CNTNAP2: variants seen among roughly 807,000 people sequenced by gnomAD.
CNTNAP2 encodes the protein contactin associated protein 2, also known as contactin-associated protein-like 2.
CNTNAP2 carries 98 observed loss-of-function variants against 155.2 expected under a neutral mutation model. That is an observed-to-expected ratio of 0.63 (90% confidence interval 0.54 to 0.75). The LOEUF (loss-of-function observed/expected upper bound fraction) is 0.75. Among genes scored for constraint, CNTNAP2 ranks in the 30% least tolerant of loss-of-function variants. The pLI, the probability that CNTNAP2 is intolerant of heterozygous loss-of-function variation, is 0.00. For missense variants in CNTNAP2, 1,727 were observed against 1,688.1 expected, an observed-to-expected ratio of 1.02 and a Z score of -0.40; for synonymous variants, 651 against 631.2, an observed-to-expected ratio of 1.03 and a Z score of -0.47.
At chr7:147,558,906 C>A (rs1800004983) in intron 11 of CNTNAP2, among the ~76,000 whole-genome samples, 1 of 152,140 alleles carries the variant, frequency 6.6e-6, no homozygotes, top group Admixed American at 6.5e-5. Context: ...CCATGCCCAG[C>A]TAATTTTTGT....
intron 13 of CNTNAP2, among the ~76,000 whole-genome samples, chr7:147,902,901 A>G (rs1799896640): frequency 6.6e-6 from 1 of 150,548 alleles, no homozygotes; most frequent in Admixed American, 6.7e-5. Flanking sequence ...TTGCTTCCAC[A>G]TTTTTGCAAT....
At chr7:146,383,668 G>A (rs1795421671) in intron 1 of CNTNAP2, among the ~76,000 whole-genome samples, 1 of 152,010 alleles carries the variant, frequency 6.6e-6, no homozygotes, top group Non-Finnish European at 1.5e-5. Flanking sequence ...AATTAACTTG[G>A]TATATTTCTT....
chr7:147,575,009 A>C (rs1194601353), intron 12 of CNTNAP2, among the ~76,000 whole-genome samples: 3 of 152,078 alleles, frequency 2.0e-5, no homozygotes, highest in Non-Finnish European at 4.4e-5. Context: ...GTTAAGATTC[A>C]GCATTCTACT....
At chr7:146,128,417 C>T (rs772672534) in intron 1 of CNTNAP2, among the ~76,000 whole-genome samples, 2 of 152,142 alleles carry the variant, frequency 1.3e-5, no homozygotes, top group Non-Finnish European at 2.9e-5. Flanking sequence ...TACAGATTTA[C>T]ACTCCCATAA....
At chr7:147,633,395 G>A (rs1051268720) in intron 12 of CNTNAP2, among the ~76,000 whole-genome samples, 2 of 152,228 alleles carry the variant, frequency 1.3e-5, no homozygotes, top group Non-Finnish European at 2.9e-5. Flanking sequence ...TGCTAGGGCA[G>A]TGCAGACGAG....
At chr7:147,255,769 C>G (rs1445765644) in intron 8 of CNTNAP2, among the ~76,000 whole-genome samples, 1 of 151,952 alleles carries the variant, frequency 6.6e-6, no homozygotes, top group Non-Finnish European at 1.5e-5. Context: ...TTTATTGAGC[C>G]TTCGTCACCC....
intron 9 of CNTNAP2, among the ~76,000 whole-genome samples, chr7:147,357,760 T>C (rs1203230724): frequency 1.3e-5 from 2 of 152,072 alleles, no homozygotes; most frequent in East Asian, 3.9e-4. Flanking sequence ...TTCCTCCCTC[T>C]AAACTTCATA....
intron 1 of CNTNAP2, among the ~76,000 whole-genome samples, chr7:146,134,987 T>G (rs1330445116): frequency 2.6e-5 from 4 of 152,004 alleles, no homozygotes. Flanking sequence ...GAAGGAATGG[T>G]ACCAGTTCCT....
At chr7:147,658,833 AAT>A (rs1288267620) in intron 13 of CNTNAP2, among the ~76,000 whole-genome samples, 1 of 152,098 alleles carries the variant, frequency 6.6e-6, no homozygotes, top group African/African-American at 2.4e-5. Context: ...TAGTTCTGTT[AAT>A]GTACTCAATC....
At chr7:148,408,391 A>G (rs1799753049) in intron 22 of CNTNAP2, among the ~76,000 whole-genome samples, 1 of 152,182 alleles carries the variant, frequency 6.6e-6, no homozygotes, top group Non-Finnish European at 1.5e-5. Context: ...AAAGGGCTCT[A>G]CCTGCTTTTC....
At chr7:147,461,246 T>C (rs1798018468) in intron 10 of CNTNAP2, among the ~76,000 whole-genome samples, 1 of 152,194 alleles carries the variant, frequency 6.6e-6, no homozygotes, top group Non-Finnish European at 1.5e-5. Flanking sequence ...ATTTCAGTAA[T>C]TAGGTTTGGA....
At chr7:146,367,093 G>T (rs1795166545) in intron 1 of CNTNAP2, among the ~76,000 whole-genome samples, 1 of 152,102 alleles carries the variant, frequency 6.6e-6, no homozygotes, top group Non-Finnish European at 1.5e-5. Flanking sequence ...TCTCATCTCT[G>T]CCAAAGTTTT....
intron 13 of CNTNAP2, among the ~76,000 whole-genome samples, chr7:147,807,789 GT>G (rs1798115125): frequency 6.6e-6 from 1 of 152,160 alleles, no homozygotes; most frequent in South Asian, 2.1e-4. Context: ...ATATGCCCTA[GT>G]TGGTGATGTG....
At chr7:146,139,707 A>G (rs748444883) in intron 1 of CNTNAP2, among the ~76,000 whole-genome samples, 3 of 152,146 alleles carry the variant, frequency 2.0e-5, no homozygotes, top group Non-Finnish European at 4.4e-5. Flanking sequence ...CACAAATGTA[A>G]TATGTCTTTG....
At chr7:147,065,712 GAC>G (rs1397362066) in intron 4 of CNTNAP2, among the ~76,000 whole-genome samples, 5 of 152,064 alleles carry the variant, frequency 3.3e-5, no homozygotes, top group Non-Finnish European at 7.4e-5. Flanking sequence ...ATTTCTTAAA[GAC>G]ACAAACTGGT....
intron 3 of CNTNAP2, among the ~76,000 whole-genome samples, chr7:146,908,199 A>G (rs1335920669): frequency 1.3e-5 from 2 of 152,264 alleles, no homozygotes; most frequent in South Asian, 2.1e-4. Flanking sequence ...AACATTAATA[A>G]TGGGAGACTT....
intron 9 of CNTNAP2, among the ~76,000 whole-genome samples, chr7:147,327,981 A>G (rs1563162443): frequency 1.3e-5 from 2 of 152,188 alleles, no homozygotes; most frequent in African/African-American, 4.8e-5. Context: ...TAAAAAAAAA[A>G]TCACATACTC....
chr7:147,420,825 C>T (rs1326668746), intron 10 of CNTNAP2, among the ~76,000 whole-genome samples: 1 of 151,972 alleles, frequency 6.6e-6, no homozygotes. Context: ...ACTGCAGAAC[C>T]CAGCTGTGGA....
At position 146,965,818 on chromosome 7, in the gene CNTNAP2, C is replaced by T. The variant is rs78440814; in HGVS notation, c.403-78089C>T. ...TCATGGAAACAGGTATGTGAGGGGT[C>T]GCACACTTTTGAGTACAACAGGTGT... On this transcript the variant is annotated intron_variant, in intron 3 of 23. Transcript: ENST00000361727. Among the ~76,000 whole-genome samples, 362 of 152,262 alleles carry T rather than the reference C, an allele frequency of 2.4e-3. 10 individuals are homozygous for T. In the East Asian group the frequency reaches 0.05, roughly 21 times the overall value.
Sources: allele counts gnomAD v4.1 joint callset (sites outside exome capture counted in the v4.1 genomes callset), GRCh38; gene constraint gnomAD v4.1.1; transcripts MANE v1.5; gene names NCBI Gene and HGNC (gene_info 2026-07-23, HGNC 2026-07-21).